The following REXO1 variants were observed in gnomAD, a reference collection of about 807,000 sequenced individuals.
REXO1 encodes RNA exonuclease 1 homolog.
REXO1 carries 42 observed loss-of-function variants against 102.6 expected under a neutral mutation model. The ratio of observed to expected loss-of-function variants is 0.41; its 90% CI spans 0.32 to 0.53. The LOEUF is 0.53. REXO1 is among the 20% of genes least tolerant of loss of function. The pLI is 0.27. For synonymous variants in REXO1, 908 were observed against 779.1 expected (o/e 1.17, Z -2.76); for missense variants, 1,819 against 1,732.5 (o/e 1.05, Z -0.89).
At chr19:1,841,733 G>A (rs1001951467) in intron 1 of REXO1, among the ~76,000 whole-genome samples, 16 of 152,026 alleles carry the variant, frequency 1.1e-4, no homozygotes, top group African/African-American at 3.6e-4. Flanking sequence ...GCGCTCTGGG[G>A]AGCGGCTCAG....
rs1284832752 is a variant in REXO1, at chr19:1,815,661, A to T, written c.*405T>A. Reference sequence around the variant, plus strand: ...TTAAAAATAATAAAAATAACAATACAAAATAAAAAAAGACTGTCTCAAACA... The same window carrying T: ...TTAAAAATAATAAAAATAACAATACTAAATAAAAAAAGACTGTCTCAAACA... On this transcript the variant is annotated 3_prime_UTR_variant, in exon 16 of 16. Transcript: ENST00000170168. The surrounding 1 kb of genome is among the most constrained non-coding windows in gnomAD (Gnocchi z 4.0). 8.1e-7 allele frequency: 1 copy of T among 1,227,412 alleles called. No individual in the cohort carries two copies. The allele number at this position is 1,227,412 out of a possible 1,614,324, so 76.0% of individuals were successfully genotyped here. A position where few individuals can be genotyped will look rare whatever the true frequency, so the allele number is the denominator to read the frequency against.
At position 1,826,428 on chromosome 19, in the gene REXO1, G is replaced by A. The variant is rs1322037720; in HGVS notation, c.1911+450C>T. 6.6e-6 allele frequency among the ~76,000 whole-genome samples: 1 copy of A among 150,452 alleles called. No homozygotes were observed. Among genetic ancestry groups the A allele is most frequent in the East Asian group, 1.9e-4 (1 of 5,142 alleles). ...AGAAAGGAGCCGGAGGGGATGAGGA[G>A]GAGGCAAGGAGAGGAGACAGAGGAG... On this transcript the variant is annotated intron_variant, in intron 2 of 15. Transcript: ENST00000170168. The surrounding 1 kb of genome is among the most constrained non-coding windows in gnomAD (Gnocchi z 4.3).
At chr19:1,818,388 G>T (rs1285858219) in intron 10 of REXO1, 94 bp downstream of exon 10, 2 of 945,622 alleles carry the variant, frequency 2.1e-6, no homozygotes, top group Non-Finnish European at 3.2e-6. Context: ...GGAGGGCCTG[G>T]GTAAAGCCTT....
chr19:1,819,865 G>A (rs988659995), intron 7 of REXO1, 69 bp downstream of exon 7: 36 of 1,454,248 alleles, frequency 2.5e-5, no homozygotes, highest in African/African-American at 1.4e-4. Flanking sequence ...AGGTCCCAGC[G>A]AGGGTCCCAG....
At chr19:1,825,981 T>C in intron 2 of REXO1, 38 bp from the exon 3 acceptor site, 1 of 1,481,890 alleles carries the variant, frequency 6.7e-7, no homozygotes, top group African/African-American at 1.4e-5. Context: ...AGGTCTGCCC[T>C]CGCTGCCAAC....
At chr19:1,836,357 G>T (rs984665571) in intron 1 of REXO1, among the ~76,000 whole-genome samples, 3 of 152,166 alleles carry the variant, frequency 2.0e-5, no homozygotes, top group African/African-American at 7.2e-5. Context: ...TCAAAGATGA[G>T]GACACCCAGT....
intron 1 of REXO1, among the ~76,000 whole-genome samples, chr19:1,846,520 G>C (rs182567673): frequency 2.0e-5 from 3 of 152,192 alleles, no homozygotes; most frequent in Non-Finnish European, 4.4e-5. Context: ...ACAGGAAGAC[G>C]ACATCACCAA....
chr19:1,837,023 A>G (rs1300979162), intron 1 of REXO1, among the ~76,000 whole-genome samples: 3 of 152,140 alleles, frequency 2.0e-5, no homozygotes, highest in African/African-American at 4.8e-5. Flanking sequence ...CCCCTGGGGG[A>G]GCCATCTGGG....
At position 1,815,746 on chromosome 19, in the gene REXO1, G is replaced by T; in HGVS notation, c.*320C>A. Reference sequence around the variant, plus strand: ...GGAGCAGAGGTGCCGGCCACCACCCGGGAGGGAGGGCCTGGCAGGAGGGGC... The same window carrying T: ...GGAGCAGAGGTGCCGGCCACCACCCTGGAGGGAGGGCCTGGCAGGAGGGGC... On this transcript the variant is annotated 3_prime_UTR_variant, in exon 16 of 16. Coordinates refer to ENST00000170168, the MANE Select transcript of REXO1 (RefSeq NM_020695.4). The surrounding 1 kb of genome is among the most constrained non-coding windows in gnomAD (Gnocchi z 4.0). 1 of 1,416,462 alleles carries T rather than the reference G, an allele frequency of 7.1e-7. No homozygotes were observed. The highest frequency in any genetic ancestry group is 9.2e-7 in the Non-Finnish European group (1 of 1,081,364). 87.7% of individuals were successfully genotyped at this position (1,416,462 alleles called of 1,614,324 possible). A position where few individuals can be genotyped will look rare whatever the true frequency, so the allele number is the denominator to read the frequency against.
At position 1,816,321 on chromosome 19, in the gene REXO1, T is replaced by C. The variant is rs144040372; in HGVS notation, c.3481A>G (p.Thr1161Ala). 3.1e-6 allele frequency: 5 copies of C among 1,590,512 alleles called. No homozygotes were observed. The African/African-American group carries it at 4.0e-5, about 13-fold the overall frequency. The change falls in exon 15 of 16, where the codon ACG becomes GCG. Residue 1161 changes from threonine (T) to alanine (A), a missense_variant. By Grantham distance (58) the Thr-to-Ala change is moderately conservative. Transcript: ENST00000170168. ...LKVIHSTVVD[T>A]SVLFPHRLGL... ...AGGCGGTGGGGGAAGAGCACAGACGTGTCCACCACGGTGCTGTGGATGACC... is the reference window on the plus strand; with the variant it reads ...AGGCGGTGGGGGAAGAGCACAGACGCGTCCACCACGGTGCTGTGGATGACC...
intron 1 of REXO1, among the ~76,000 whole-genome samples, chr19:1,840,393 G>C (rs980339558): frequency 6.6e-6 from 1 of 152,166 alleles, no homozygotes; most frequent in African/African-American, 2.4e-5. Flanking sequence ...GAGAATCGCA[G>C]ACTGCCCAAC....
In REXO1 at chr19:1,833,246, G is replaced by A. The variant is rs1017339031; in HGVS notation, c.158-4615C>T. ...TCTCTAAAACAAATAAAATTAAGTA[G>A]CATTTAGACAAGAGGAAGGATCCGT... On this transcript the variant is annotated intron_variant, in intron 1 of 15. Coordinates refer to ENST00000170168, the MANE Select transcript of REXO1 (RefSeq NM_020695.4). Among the ~76,000 whole-genome samples the A allele has an allele frequency of 2.6e-5, 4 of 152,306 alleles. No homozygotes were observed. In the South Asian group the frequency reaches 8.3e-4, roughly 32 times the overall value.
rs371186665 is a variant in REXO1, at chr19:1,818,632, G to A, written c.2903-37C>T. The A allele has an allele frequency of 1.5e-4, 239 of 1,607,102 alleles. No homozygotes were observed. The African/African-American group carries it at 2.6e-3, about 18-fold the overall frequency. On this transcript the variant is annotated intron_variant, in intron 9 of 15. Transcript: ENST00000170168. ...GACCCAGGTGGAAGCTGAGGCTCAC[G>A]CTGGGGCCCGCATGCCCGGCCTTGC...
At chr19:1,836,923 C>G (rs1270891006) in intron 1 of REXO1, among the ~76,000 whole-genome samples, 1 of 152,124 alleles carries the variant, frequency 6.6e-6, no homozygotes, top group African/African-American at 2.4e-5. Context: ...CAGATGGAAA[C>G]AGACAGTCCC....
chr19:1,821,441 C>A, intron 5 of REXO1, 78 bp downstream of exon 5: 1 of 1,571,078 alleles, frequency 6.4e-7, no homozygotes. Context: ...CGAGGCTGGC[C>A]CTCCGCAGGT....
chr19:1,844,864 G>A (rs752570651), intron 1 of REXO1, among the ~76,000 whole-genome samples: 9 of 152,222 alleles, frequency 5.9e-5, no homozygotes, highest in Non-Finnish European at 1.3e-4. Context: ...TCAACGTGGT[G>A]CCCTCAGCCT....
chr19:1,820,113 C>T, intron 6 of REXO1, 56 bp from the exon 7 acceptor site: 18 of 1,577,068 alleles, frequency 1.1e-5, no homozygotes, highest in Non-Finnish European at 1.5e-5. Context: ...CGGGGAGCCC[C>T]AGCGGTGGGG....
intron 3 of REXO1, chr19:1,824,615 CAG>C (rs1183225966): frequency 6.6e-6 from 1 of 152,204 alleles, no homozygotes; most frequent in East Asian, 1.9e-4. Context: ...GAGCCCCAGT[CAG>C]AGCAACAGGA....
chr19:1,841,499 C>T (rs550962472), intron 1 of REXO1, among the ~76,000 whole-genome samples: 35 of 152,332 alleles, frequency 2.3e-4, no homozygotes, highest in Middle Eastern at 3.4e-3. Flanking sequence ...CAGAAGAGCT[C>T]GCAGAGGCCG....
Sources: gnomAD v4.1 joint callset for allele counts (sites outside exome capture counted in the v4.1 genomes callset) on GRCh38, gnomAD v4.1.1 for gene constraint, Gnocchi (gnomAD v3.1) non-coding constraint, MANE v1.5 for transcripts, NCBI Gene and HGNC (gene_info 2026-07-23, HGNC 2026-07-21) for gene names.